HTT: variants seen among roughly 807,000 people sequenced by gnomAD.
HTT encodes huntingtin.
Under a neutral mutation model 362.3 loss-of-function variants are expected in HTT, and 104 were observed. The ratio of observed to expected loss-of-function variants is 0.29; its 90% CI spans 0.24 to 0.34. The LOEUF (loss-of-function observed/expected upper bound fraction) is 0.34, where lower values mean the gene tolerates loss of function less well. Among genes scored for constraint, HTT ranks in the 10% least tolerant of loss-of-function variants. The probability of loss-of-function intolerance (pLI) is 1.00; values close to 1 mark genes in which losing one functional copy is unlikely to be tolerated. For synonymous variants in HTT, 1,577 were observed against 1,548.7 expected (o/e 1.02, Z -0.43); for missense variants, 3,301 against 3,928.6 (o/e 0.84, Z 4.27).
At chr4:3,141,812 C>G (rs1025361553) in intron 22 of HTT, among the ~76,000 whole-genome samples, 17 of 151,996 alleles carry the variant, frequency 1.1e-4, no homozygotes, top group African/African-American at 3.9e-4. Context: ...ATTTTTTTGG[C>G]CACCTTAATA....
intron 1 of HTT, among the ~76,000 whole-genome samples, chr4:3,075,658 C>CGGGGGGGGGGGGGGGGGG (rs1712496862): frequency 2.1e-5 from 1 of 47,896 alleles, no homozygotes; most frequent in Admixed American, 2.3e-4. Context: ...AGGGGGGGGG[C>CGGGGGGGGGGGGGGGGGG]GGGGAGTGAG....
rs552576817 is a variant in HTT, at chr4:3,206,615, C to T, written c.5838C>T (p.Asn1946=). 1.2e-4 allele frequency: 193 copies of T among 1,614,200 alleles called. 1 individual carries two copies. The South Asian group carries it at 1.9e-3, about 16-fold the overall frequency. The change falls in exon 43 of 67, where the codon AAC becomes AAT. Residue 1946 remains asparagine (N), a synonymous_variant. Coordinates refer to ENST00000355072, the MANE Select transcript of HTT (RefSeq NM_001388492.1). This position sits in a 1 kb window ranked among gnomAD's most constrained non-coding sequence, Gnocchi z 4.6. ...VQDFISAVHR[N]SAASGLFIQA... Reference sequence around the variant, plus strand: ...ACTTCATCAGTGCCGTTCATCGGAACTCTGCTGCCAGCGGCCTGTTCATCC... The same window carrying T: ...ACTTCATCAGTGCCGTTCATCGGAATTCTGCTGCCAGCGGCCTGTTCATCC...
chr4:3,242,438 C>A lies in HTT; in HGVS notation c.*2379C>A, dbSNP rs1376692485. The A allele has an allele frequency of 6.6e-6, 1 of 152,192 alleles. No individual in the cohort carries two copies. Among genetic ancestry groups the A allele is most frequent in the Non-Finnish European group, 1.5e-5 (1 of 68,050 alleles). 9.4% of individuals were successfully genotyped at this position (152,192 alleles called of 1,614,324 possible). A position where few individuals can be genotyped will look rare whatever the true frequency, so the allele number is the denominator to read the frequency against. On this transcript the variant is annotated 3_prime_UTR_variant, in exon 67 of 67. Transcript: ENST00000355072. ...CACATCTATAATTTTACACACACACCTCTCAAGACGGAGATGCATGGCCTC... is the reference window on the plus strand; with the variant it reads ...CACATCTATAATTTTACACACACACATCTCAAGACGGAGATGCATGGCCTC...
Position 3,160,398 on chromosome 4 carries a change from T to A in HTT, c.3864+6T>A. 6.5e-7 allele frequency: 1 copy of A among 1,527,700 alleles called. No individual in the cohort carries two copies. Among genetic ancestry groups the A allele is most frequent in the Non-Finnish European group, 8.9e-7 (1 of 1,124,450 alleles). The allele number at this position is 1,527,700 out of a possible 1,614,324, so 94.6% of individuals were successfully genotyped here. A position where few individuals can be genotyped will look rare whatever the true frequency, so the allele number is the denominator to read the frequency against. On this transcript the variant is annotated splice_donor_region_variant and intron_variant, in intron 29 of 66. Coordinates refer to ENST00000355072, the MANE Select transcript of HTT (RefSeq NM_001388492.1). ...CACTGCAGGACATTGGGAAGGTTTG[T>A]GTCTTGTTTTTTCTCCTTGGGTTGT...
chr4:3,229,131 C>T (rs2110294866), intron 59 of HTT, 122 bp downstream of exon 59: 1 of 934,086 alleles, frequency 1.1e-6, no homozygotes, highest in Non-Finnish European at 1.6e-6. Context: ...CTCATGCATG[C>T]AACACACACA....
chr4:3,102,383 C>T (rs1018214239), intron 3 of HTT, among the ~76,000 whole-genome samples: 13 of 152,296 alleles, frequency 8.5e-5, no homozygotes, highest in South Asian at 2.1e-4. Context: ...TATTTGTTTA[C>T]AAAACATTTG....
intron 64 of HTT, among the ~76,000 whole-genome samples, chr4:3,237,667 G>C (rs1052985958): frequency 6.6e-6 from 1 of 152,202 alleles, no homozygotes; most frequent in Non-Finnish European, 1.5e-5. Flanking sequence ...GCTGGGCGAG[G>C]GTCTGCGGGC....
Position 3,212,694 on chromosome 4 carries a change from G to C in HTT, c.6759G>C (p.Val2253=), listed in dbSNP as rs377203393. The C allele has an allele frequency of 2.2e-4, 349 of 1,614,098 alleles. No homozygotes were observed. The highest frequency in any genetic ancestry group is 2.5e-4 in the Non-Finnish European group (294 of 1,180,050). The change falls in exon 49 of 67, where the codon GTG becomes GTC. Residue 2253 remains valine, a synonymous_variant. Transcript: ENST00000355072. ...AAGAGAAGGACATTGTGAAATTCGTGGTGGCAACCCTTGAGGTAAGAGGCA... is the reference window on the plus strand; with the variant it reads ...AAGAGAAGGACATTGTGAAATTCGTCGTGGCAACCCTTGAGGTAAGAGGCA... ...PEKEKDIVKF[V]VATLEALSWH...
chr4:3,114,157 T>C (rs1714905505), intron 6 of HTT, among the ~76,000 whole-genome samples: 2 of 152,248 alleles, frequency 1.3e-5, no homozygotes. Context: ...GTTGGGCTAG[T>C]TAACCGCAGC....
intron 2 of HTT, among the ~76,000 whole-genome samples, chr4:3,092,085 C>A (rs781181282): frequency 6.6e-6 from 1 of 152,126 alleles, no homozygotes; most frequent in African/African-American, 2.4e-5. Flanking sequence ...TGCAATGGTG[C>A]GATCTCGGCT....
intron 1 of HTT, among the ~76,000 whole-genome samples, chr4:3,085,896 C>G (rs558038478): frequency 6.6e-6 from 1 of 152,274 alleles, no homozygotes; most frequent in Admixed American, 6.5e-5. Flanking sequence ...GCCTGATCAT[C>G]TTCGCCAGGC....
chr4:3,152,253 C>T (rs1463307788), intron 26 of HTT, among the ~76,000 whole-genome samples: 1 of 152,048 alleles, frequency 6.6e-6, no homozygotes, highest in Non-Finnish European at 1.5e-5. Flanking sequence ...CGCCTGCCAC[C>T]ACACCCAGCT....
At chr4:3,231,243 A>G (rs1180768736) in intron 60 of HTT, among the ~76,000 whole-genome samples, 1 of 152,192 alleles carries the variant, frequency 6.6e-6, no homozygotes, top group Admixed American at 6.5e-5. Context: ...CCTTGGTGAG[A>G]ATGGCATGGT....
intron 63 of HTT, 66 bp from the exon 64 acceptor site, chr4:3,236,083 A>C (rs1419680547): frequency 8.7e-7 from 1 of 1,143,448 alleles, no homozygotes; most frequent in Admixed American, 1.7e-5. Flanking sequence ...CTGTGTACAA[A>C]GCACTGTCTA....
chr4:3,142,776 G>A lies in HTT; in HGVS notation c.2956G>A (p.Gly986Ser), dbSNP rs781398411. ...TATTTTTGTTATTAGAATATATAGAGGCTATAACCTACTACCAAGCATAAC... is the reference window on the plus strand; with the variant it reads ...TATTTTTGTTATTAGAATATATAGAAGCTATAACCTACTACCAAGCATAAC... ...SVSTITRIYR[G>S]YNLLPSITDV... is the part of the protein sequence containing the mutation. Residue 986 changes from glycine to serine, a missense_variant, in exon 23 of 67, where the codon GGC becomes AGC. This residue lies in a region of HTT where 2,316 missense variants were observed against 2,658.5 expected (regional missense o/e 0.87). Coordinates refer to ENST00000355072, the MANE Select transcript of HTT (RefSeq NM_001388492.1). 1 of 1,496,742 alleles carries A rather than the reference G, an allele frequency of 6.7e-7. No individual in the cohort carries two copies. The allele number at this position is 1,496,742 out of a possible 1,614,324, so 92.7% of individuals were successfully genotyped here.
chr4:3,140,936 TTAC>T (rs1716316645), intron 22 of HTT, among the ~76,000 whole-genome samples: 1 of 135,308 alleles, frequency 7.4e-6, no homozygotes, highest in Non-Finnish European at 1.7e-5. Flanking sequence ...TTTGTGACAC[TTAC>T]GTATTATCTG....
At chr4:3,096,358 TC>T (rs1578494542) in intron 2 of HTT, among the ~76,000 whole-genome samples, 1 of 152,274 alleles carries the variant, frequency 6.6e-6, no homozygotes, top group South Asian at 2.1e-4. Flanking sequence ...ACCAACACTG[TC>T]CCCTGTGCAA....
chr4:3,149,300 T>C (rs947517524), intron 26 of HTT, among the ~76,000 whole-genome samples: 39 of 151,304 alleles, frequency 2.6e-4, no homozygotes, highest in Admixed American at 1.3e-4. Flanking sequence ...CATACTTTTT[T>C]TTTTTTTTTT....
chr4:3,131,852 G>A, intron 16 of HTT, 77 bp downstream of exon 16: 1 of 1,409,450 alleles, frequency 7.1e-7, no homozygotes, highest in Non-Finnish European at 9.8e-7. Flanking sequence ...GACTATTTTA[G>A]TTTTAGAGCA....
Sources: allele counts gnomAD v4.1 joint callset (sites outside exome capture counted in the v4.1 genomes callset), GRCh38; gene constraint gnomAD v4.1.1; regional missense constraint gnomAD v4.1.1; non-coding constraint Gnocchi (gnomAD v3.1); transcripts MANE v1.5; gene names NCBI Gene and HGNC (gene_info 2026-07-23, HGNC 2026-07-21).